The following PSMA8 variants were observed in gnomAD, a reference collection of about 807,000 sequenced individuals.
PSMA8 encodes proteasome 20S subunit alpha 8, also known as proteasome subunit alpha-type 8.
Under a neutral mutation model 32.4 loss-of-function variants are expected in PSMA8, and 18 were observed. That is an observed-to-expected ratio of 0.56 (90% CI 0.38 to 0.82). The LOEUF (loss-of-function observed/expected upper bound fraction) is 0.82. PSMA8 is among the 40% of genes least tolerant of loss of function. The probability of loss-of-function intolerance (pLI) is 0.00; values close to 1 mark genes in which losing one functional copy is unlikely to be tolerated. For missense variants in PSMA8, 298 were observed against 300.7 expected (o/e 0.99, Z 0.07); for synonymous variants, 104 against 98.1 (o/e 1.06, Z -0.36).
chr18:26,159,477 CTT>C, intron 4 of PSMA8, among the ~76,000 whole-genome samples: 1 of 152,142 alleles, frequency 6.6e-6, no homozygotes, highest in Middle Eastern at 3.4e-3. Context: ...TACTAGATTT[CTT>C]GTCTCCTAAA....
At chr18:26,151,815 AT>A (rs1568057924) in intron 2 of PSMA8, 42 bp from the exon 3 acceptor site, 1 of 1,557,660 alleles carries the variant, frequency 6.4e-7, no homozygotes, top group Admixed American at 2.1e-5. Context: ...ATTGTAAAAA[AT>A]ATGTTTTTGT....
chr18:26,134,166 A>G, intron 1 of PSMA8, 99 bp downstream of exon 1: 1 of 804,278 alleles, frequency 1.2e-6, no homozygotes, highest in Admixed American at 2.2e-5. Flanking sequence ...GGAGCTCAAG[A>G]GAGGAGATTC....
At position 26,133,992 on chromosome 18, in the gene PSMA8, C is replaced by A. The variant is rs763478237; in HGVS notation, c.27C>A (p.Ile9=). The part of the protein sequence containing the change: MASRYDRA[I]TVFSPDGHLF... ...TGGCGTCTCGATATGACAGGGCGAT[C>A]ACTGTCTTCTCCCCAGACGGACACC... is the stretch of plus-strand genomic sequence containing the variant. The change falls in exon 1 of 7, where the codon ATC becomes ATA. Residue 9 remains isoleucine (I), a synonymous_variant. Coordinates refer to ENST00000415576, the MANE Select transcript of PSMA8 (RefSeq NM_001025096.2). 6.2e-7 allele frequency: 1 copy of A among 1,614,060 alleles called. No individual in the cohort carries two copies. The highest frequency in any genetic ancestry group is 1.1e-5 in the South Asian group (1 of 91,076).
In PSMA8 at chr18:26,178,912, G is replaced by C. The variant is rs771746490; in HGVS notation, c.560G>C (p.Ser187Thr). Residue 187 changes from serine to threonine, a missense_variant, in exon 5 of 7, where the codon AGT (serine) becomes ACT (threonine). Physicochemically the swap from Ser to Thr is moderately conservative, Grantham distance 58. Transcript: ENST00000415576. ...ACAGAAGATGCCATAGCAAGTGACA[G>C]TGAAGCTATCAAGTTAGCAATAAAA... ...NYTEDAIASDSEAIKLAIKAL... is the reference protein window; with the variant it reads ...NYTEDAIASDTEAIKLAIKAL... 1 of 1,613,810 alleles carries C rather than the reference G, an allele frequency of 6.2e-7. No individual in the cohort carries two copies. The highest frequency in any genetic ancestry group is 1.7e-5 in the Admixed American group (1 of 60,012).
chr18:26,160,100 G>A (rs1030833236), intron 4 of PSMA8, among the ~76,000 whole-genome samples: 3 of 152,012 alleles, frequency 2.0e-5, no homozygotes, highest in African/African-American at 7.3e-5. Context: ...GCAGGAGTTC[G>A]AGACCACCCT....
chr18:26,137,121 C>T (rs11083160), intron 1 of PSMA8, among the ~76,000 whole-genome samples: 6,431 of 152,256 alleles, frequency 0.042, 284 homozygotes, highest in Admixed American at 0.13. Flanking sequence ...AGGCAATTAA[C>T]TTCACTAAGC....
At chr18:26,162,748 C>T (rs933340156) in intron 4 of PSMA8, among the ~76,000 whole-genome samples, 1 of 152,018 alleles carries the variant, frequency 6.6e-6, no homozygotes, top group Non-Finnish European at 1.5e-5. Flanking sequence ...CACCTGTAGT[C>T]CCAGCTACTC....
rs1446694778 is a variant in PSMA8, at chr18:26,133,940, G to A, written c.-26G>A. 2.2e-5 allele frequency: 35 copies of A among 1,591,904 alleles called. No individual in the cohort carries two copies. Among genetic ancestry groups the A allele is most frequent in the Non-Finnish European group, 2.9e-5 (34 of 1,160,824 alleles). ...CTCAGCTGCAGCAGCGGGAAGCTCG[G>A]TGGCAAGCCCTTGTAGTCCTGTGCG... On this transcript the variant is annotated 5_prime_UTR_variant, in exon 1 of 7. It adds an upstream start codon to the 5' untranslated region. Transcript: ENST00000415576.
intron 4 of PSMA8, chr18:26,171,035 T>C (rs2055216393): frequency 1.9e-6 from 3 of 1,557,526 alleles, no homozygotes; most frequent in East Asian, 4.8e-5. Context: ...GAGCTCCTTG[T>C]GGAGGTTCCT....
rs202020970 is a variant in PSMA8 at position 26,156,356 on chromosome 18, C to T, written c.355-1766C>T. Among the ~76,000 whole-genome samples, 16 of 152,144 alleles carry T rather than the reference C, an allele frequency of 1.1e-4. No individual in the cohort carries two copies. In the East Asian group the frequency reaches 3.1e-3, roughly 29 times the overall value. On this transcript the variant is annotated intron_variant, in intron 3 of 6. Transcript: ENST00000415576. Reference sequence around the variant, plus strand: ...CAGTATATCCAAGAGATGTATGCACCCCTGTGTTTATCACAGCAGTATTCA... The same window carrying T: ...CAGTATATCCAAGAGATGTATGCACTCCTGTGTTTATCACAGCAGTATTCA...
intron 6 of PSMA8, among the ~76,000 whole-genome samples, chr18:26,183,554 A>C (rs2055329782): frequency 6.6e-6 from 1 of 150,844 alleles, no homozygotes; most frequent in Non-Finnish European, 1.5e-5. Context: ...TTAGAAGTGG[A>C]GCCTGAATAT....
intron 2 of PSMA8, among the ~76,000 whole-genome samples, chr18:26,149,552 A>T (rs1253919482): frequency 7.9e-5 from 12 of 152,230 alleles, no homozygotes; most frequent in Admixed American, 7.9e-4. Flanking sequence ...CAGTAAGCAA[A>T]ATAGTTTCAT....
At chr18:26,145,703 T>C (rs1019408808) in intron 2 of PSMA8, among the ~76,000 whole-genome samples, 2 of 152,228 alleles carry the variant, frequency 1.3e-5, no homozygotes, top group African/African-American at 4.8e-5. Context: ...CCATTCCTTT[T>C]TATTACTGAG....
chr18:26,187,243 G>A (rs1226068616), intron 6 of PSMA8, among the ~76,000 whole-genome samples: 1 of 152,120 alleles, frequency 6.6e-6, no homozygotes, highest in Non-Finnish European at 1.5e-5. Context: ...CTACTCAGGG[G>A]GCTGAGGCAG....
intron 6 of PSMA8, among the ~76,000 whole-genome samples, chr18:26,191,465 C>T (rs1421564606): frequency 1.3e-5 from 2 of 151,950 alleles, no homozygotes; most frequent in Admixed American, 6.6e-5. Flanking sequence ...CCTGTCTGTA[C>T]TGAAAATGCA....
At chr18:26,160,802 A>T (rs892408747) in intron 4 of PSMA8, among the ~76,000 whole-genome samples, 46 of 152,352 alleles carry the variant, frequency 3.0e-4, no homozygotes, top group African/African-American at 1.1e-3. Flanking sequence ...AGAAATAGCT[A>T]ATACCAGCAG....
chr18:26,179,156 A>C, intron 6 of PSMA8, 26 bp downstream of exon 6: 1 of 1,554,446 alleles, frequency 6.4e-7, no homozygotes. Context: ...AAGAGGAAAA[A>C]GTATCTGTAG....
intron 1 of PSMA8, among the ~76,000 whole-genome samples, chr18:26,139,682 A>T (rs2054939184): frequency 6.6e-6 from 1 of 152,220 alleles, no homozygotes; most frequent in African/African-American, 2.4e-5. Flanking sequence ...AGCCGAGGAT[A>T]GTCTACAACT....
intron 1 of PSMA8, among the ~76,000 whole-genome samples, chr18:26,137,909 G>C (rs1251181920): frequency 6.6e-6 from 1 of 152,196 alleles, no homozygotes; most frequent in Non-Finnish European, 1.5e-5. Context: ...ATGAGGGGCT[G>C]TCAAGTGAAG....
Sources: gnomAD v4.1 joint callset for allele counts (sites outside exome capture counted in the v4.1 genomes callset) on GRCh38, gnomAD v4.1.1 for gene constraint, MANE v1.5 for transcripts, NCBI Gene and HGNC (gene_info 2026-07-23, HGNC 2026-07-21) for gene names.